The following MCUB variants were observed in gnomAD, a reference collection of about 807,000 sequenced individuals.
MCUB encodes the protein mitochondrial calcium uniporter dominant negative subunit beta.
MCUB carries 46 observed loss-of-function variants against 41.4 expected under a neutral mutation model. That is an observed-to-expected ratio of 1.11 (90% confidence interval 0.88 to 1.42). The LOEUF is 1.42. Ranked by LOEUF, MCUB falls within the 40% of genes most tolerant of loss-of-function variation. The probability of loss-of-function intolerance (pLI) is 0.00; values close to 1 mark genes in which losing one functional copy is unlikely to be tolerated. For synonymous variants in MCUB, 148 were observed against 148.2 expected, an observed-to-expected ratio of 1.00 and a Z score of 0.01; for missense variants, 403 against 404.9, an observed-to-expected ratio of 1.00 and a Z score of 0.04.
Position 109,660,309 on chromosome 4 carries a change from T to C in MCUB, c.290T>C (p.Leu97Pro). 1 of 1,608,266 alleles carries C rather than the reference T, an allele frequency of 6.2e-7. No homozygotes were observed. ...ATGTTGTCAACAGTTGGTTCATTCCTTCAGGACCTACAAAATGAAGATAAG... is the reference window on the plus strand; with the variant it reads ...ATGTTGTCAACAGTTGGTTCATTCCCTCAGGACCTACAAAATGAAGATAAG... ...KPMLSTVGSF[L>P]QDLQNEDKGI... Residue 97 changes from leucine (L) to proline (P), a missense_variant, in exon 3 of 8, where the codon CTT becomes CCT. Coordinates refer to ENST00000394650, the MANE Select transcript of MCUB (RefSeq NM_017918.5).
At chr4:109,685,177 C>T in intron 6 of MCUB, 74 bp from the exon 7 acceptor site, 1 of 690,280 alleles carries the variant, frequency 1.4e-6, no homozygotes, top group Middle Eastern at 4.1e-4. Context: ...GTTGCTGAGT[C>T]AAGTATCTTT....
rs542178050 is a variant in MCUB, at chr4:109,581,972, G to A, written c.99+21536G>A. On this transcript the variant is annotated intron_variant, in intron 1 of 7. Transcript: ENST00000394650. The stretch of plus-strand genomic sequence containing the variant: ...CAACCATCGTGGAAGTCAGTGTGGC[G>A]ATTCCTCAGGGATCTAGAACTAGAA... 2.7e-3 allele frequency among the ~76,000 whole-genome samples: 405 copies of A among 152,214 alleles called. 2 individuals are homozygous for A. Among genetic ancestry groups the A allele is most frequent in the African/African-American group, 8.7e-3 (361 of 41,526 alleles).
At chr4:109,677,510 G>A (rs142555344) in intron 4 of MCUB, among the ~76,000 whole-genome samples, 70 of 152,306 alleles carry the variant, frequency 4.6e-4, no homozygotes, top group African/African-American at 1.7e-3. Context: ...CAAAATTCAT[G>A]TGTTAGAAAC....
At chr4:109,599,681 A>ATT (rs377246507) in intron 1 of MCUB, among the ~76,000 whole-genome samples, 4 of 142,708 alleles carry the variant, frequency 2.8e-5, no homozygotes, top group African/African-American at 8.9e-5. Context: ...TTATTTATTT[A>ATT]TTTTTTTAAG....
intron 1 of MCUB, among the ~76,000 whole-genome samples, chr4:109,564,049 T>C (rs1221335995): frequency 6.6e-6 from 1 of 152,262 alleles, no homozygotes; most frequent in Admixed American, 6.5e-5. Context: ...AGCAAAGCTT[T>C]GTGAACCTGT....
intron 4 of MCUB, among the ~76,000 whole-genome samples, chr4:109,679,424 T>A (rs1322288852): frequency 6.6e-6 from 1 of 152,088 alleles, no homozygotes; most frequent in African/African-American, 2.4e-5. Flanking sequence ...GGCGGGCAGA[T>A]CACCTGAGGC....
At chr4:109,584,228 T>G (rs1322022189) in intron 1 of MCUB, among the ~76,000 whole-genome samples, 1 of 152,212 alleles carries the variant, frequency 6.6e-6, no homozygotes, top group African/African-American at 2.4e-5. Context: ...TTTTCTAGTT[T>G]ATTTGCATAG....
chr4:109,682,603 C>A lies in MCUB; in HGVS notation c.473C>A (p.Thr158Asn). 6.2e-7 allele frequency: 1 copy of A among 1,612,256 alleles called. No individual in the cohort carries two copies. The highest frequency in any genetic ancestry group is 8.5e-7 in the Non-Finnish European group (1 of 1,179,186). ...PKREKPSNEH[T>N]AEMEHMKSLV... ...TCAGAAAAACCAAGTAATGAGCACACTGCTGAGATGGAACACATGAAATCT... is the reference window on the plus strand; with the variant it reads ...TCAGAAAAACCAAGTAATGAGCACAATGCTGAGATGGAACACATGAAATCT... The change falls in exon 5 of 8, where the codon ACT becomes AAT. Residue 158 changes from threonine (T) to asparagine (N), a missense_variant. By Grantham distance (65) the Thr-to-Asn change is moderately conservative. Coordinates refer to ENST00000394650, the MANE Select transcript of MCUB (RefSeq NM_017918.5).
intron 1 of MCUB, among the ~76,000 whole-genome samples, chr4:109,637,337 AC>A (rs1728618219): frequency 1.3e-5 from 2 of 152,248 alleles, no homozygotes; most frequent in African/African-American, 4.8e-5. Context: ...GTCACTCAGT[AC>A]ATACTAGGTG....
chr4:109,676,776 A>G (rs1242557136), intron 4 of MCUB, among the ~76,000 whole-genome samples: 1 of 152,262 alleles, frequency 6.6e-6, no homozygotes, highest in Non-Finnish European at 1.5e-5. Context: ...GTGACAAACT[A>G]ATTTACCTGG....
intron 1 of MCUB, among the ~76,000 whole-genome samples, chr4:109,591,318 T>G (rs1727432598): frequency 6.6e-6 from 1 of 152,094 alleles, no homozygotes; most frequent in Non-Finnish European, 1.5e-5. Flanking sequence ...CCCGAGTAGC[T>G]GGGACTACAG....
At chr4:109,606,352 T>C (rs1489461787) in intron 1 of MCUB, among the ~76,000 whole-genome samples, 2 of 152,124 alleles carry the variant, frequency 1.3e-5, no homozygotes, top group Admixed American at 6.5e-5. Context: ...TTACATTCAA[T>C]GTTATTATTG....
chr4:109,562,071 C>G (rs1001147113), intron 1 of MCUB, among the ~76,000 whole-genome samples: 3 of 152,038 alleles, frequency 2.0e-5, no homozygotes, highest in Non-Finnish European at 4.4e-5. Context: ...TCTATTAAGT[C>G]CATTTAACAC....
intron 4 of MCUB, among the ~76,000 whole-genome samples, chr4:109,679,598 G>A (rs112393288): frequency 0.037 from 5,681 of 152,254 alleles, 378 homozygotes; most frequent in African/African-American, 0.13. Flanking sequence ...GTCCAGCCTC[G>A]GCAAGAGAGG....
Position 109,659,054 on chromosome 4 carries a change from C to G in MCUB, c.143C>G (p.Ser48Ter). 6.5e-7 allele frequency: 1 copy of G among 1,539,544 alleles called. No homozygotes were observed. Among genetic ancestry groups the G allele is most frequent in the Non-Finnish European group, 8.8e-7 (1 of 1,135,890 alleles). ...TGTGGAAATGTGAAATACTACCAGT[C>G]ACACCATTATAGTACCGTGGTGCCA... ...KLCGNVKYYQSHHYSTVVPPD... is the reference protein window; with the variant it reads ...KLCGNVKYYQ The change falls in exon 2 of 8, where the codon TCA becomes TGA. Residue 48 changes from serine to a stop codon, truncating the protein, a stop_gained. Transcript: ENST00000394650. LOFTEE classifies it high-confidence loss of function.
chr4:109,684,215 A>G (rs1439601143), intron 5 of MCUB, among the ~76,000 whole-genome samples: 1 of 151,810 alleles, frequency 6.6e-6, no homozygotes, highest in African/African-American at 2.4e-5. Context: ...GGCGCCTGCC[A>G]CCATGCCCGG....
At chr4:109,589,303 T>A (rs1200687662) in intron 1 of MCUB, among the ~76,000 whole-genome samples, 1 of 152,210 alleles carries the variant, frequency 6.6e-6, no homozygotes, top group African/African-American at 2.4e-5. Context: ...CAGAACTAGT[T>A]TGACTGCTTG....
chr4:109,670,785 T>C (rs188792329), intron 4 of MCUB, among the ~76,000 whole-genome samples: 1 of 152,088 alleles, frequency 6.6e-6, no homozygotes, highest in African/African-American at 2.4e-5. Flanking sequence ...CTACTTTTCC[T>C]TTCCTGCTGC....
At chr4:109,639,350 C>T (rs1443275609) in intron 1 of MCUB, among the ~76,000 whole-genome samples, 1 of 147,468 alleles carries the variant, frequency 6.8e-6, no homozygotes, top group African/African-American at 2.5e-5. Flanking sequence ...GAAAGGAATC[C>T]TTTTTTTTTT....
Sources: gnomAD v4.1 joint callset for allele counts (sites outside exome capture counted in the v4.1 genomes callset) on GRCh38, gnomAD v4.1.1 for gene constraint, MANE v1.5 for transcripts, NCBI Gene and HGNC (gene_info 2026-07-23, HGNC 2026-07-21) for gene names.